FTSJ3: variants seen among roughly 807,000 people sequenced by gnomAD.
FTSJ3 encodes the protein pre-rRNA 2'-O-ribose RNA methyltransferase FTSJ3.
Under a neutral mutation model 111.5 loss-of-function variants are expected in FTSJ3, and 46 were observed. That is an observed-to-expected ratio of 0.41 (90% confidence interval 0.33 to 0.53). The LOEUF (loss-of-function observed/expected upper bound fraction) is 0.53, where lower values mean the gene tolerates loss of function less well. Ranked by LOEUF, FTSJ3 falls within the 20% of genes least tolerant of loss-of-function variation. The pLI, the probability that FTSJ3 is intolerant of heterozygous loss-of-function variation, is 0.19. For missense variants in FTSJ3, 1,075 were observed against 1,063.8 expected, an observed-to-expected ratio of 1.01 and a Z score of -0.15; for synonymous variants, 408 against 383.0, an observed-to-expected ratio of 1.07 and a Z score of -0.76.
In FTSJ3 at chr17:63,826,036, AAG is replaced by A. The variant is rs2040098234; in HGVS notation, c.300+18_300+19del. On this transcript the variant is annotated intron_variant, in intron 5 of 20. Transcript: ENST00000427159. ...GATGTTTCCGTATAAAGGGGGAAGG[AAG>A]AGAGAGACTCCTATTACCTGCCTAC... 1 of 1,573,638 alleles carries A rather than the reference AAG, an allele frequency of 6.4e-7. No homozygotes were observed. The highest frequency in any genetic ancestry group is 1.1e-5 in the South Asian group (1 of 88,934).
intron 10 of FTSJ3, 112 bp downstream of exon 10, chr17:63,824,525 A>G: frequency 7.0e-7 from 1 of 1,418,578 alleles, no homozygotes; most frequent in Middle Eastern, 1.8e-4. Flanking sequence ...CAAAAGGCTC[A>G]GGCCCCCATC....
At chr17:63,821,141 G>C in intron 16 of FTSJ3, 26 bp from the exon 17 acceptor site, 1 of 1,609,018 alleles carries the variant, frequency 6.2e-7, no homozygotes, top group Non-Finnish European at 8.5e-7. Context: ...GACTCTGAGT[G>C]ATTCCACCAC....
Position 63,827,126 on chromosome 17 carries a change from T to TC in FTSJ3, c.-102dup. On this transcript the variant is annotated 5_prime_UTR_variant, in exon 1 of 21. It introduces an in-frame stop codon into an upstream open reading frame of the 5' UTR. Coordinates refer to ENST00000427159, the MANE Select transcript of FTSJ3 (RefSeq NM_017647.4). ...CTAACTACTTCCGCTTCCGCTTGCG[T>TC]CCCCTGCGTCCCTGGCTCGAGGTTT... The TC allele has an allele frequency of 3.3e-6, 2 of 608,562 alleles. No individual in the cohort carries two copies. The highest frequency in any genetic ancestry group is 5.8e-6 in the Non-Finnish European group (2 of 343,688). 37.7% of individuals were successfully genotyped at this position (608,562 alleles called of 1,614,324 possible).
At chr17:63,825,717 G>C (rs5002719) in intron 5 of FTSJ3, 82 bp from the exon 6 acceptor site, 8 of 1,295,862 alleles carry the variant, frequency 6.2e-6, no homozygotes, top group Middle Eastern at 1.8e-4. Context: ...GTCATTTGCT[G>C]AGTGCCCATC....
Position 63,820,689 on chromosome 17 carries a change from G to A in FTSJ3, c.2072+150C>T, listed in dbSNP as rs139286341. ...AGCTACTCAGAAGGCTGACTCAAGCGATTCAAGGAGAATCAGGCTGCAGTG... is the reference window on the plus strand; with the variant it reads ...AGCTACTCAGAAGGCTGACTCAAGCAATTCAAGGAGAATCAGGCTGCAGTG... On this transcript the variant is annotated intron_variant, in intron 18 of 20. Coordinates refer to ENST00000427159, the MANE Select transcript of FTSJ3 (RefSeq NM_017647.4). 1.9e-4 allele frequency: 124 copies of A among 654,032 alleles called. 1 individual carries two copies. In the East Asian group the frequency reaches 3.1e-3, roughly 17 times the overall value. 40.5% of individuals were successfully genotyped at this position (654,032 alleles called of 1,614,324 possible).
intron 14 of FTSJ3, 65 bp from the exon 15 acceptor site, chr17:63,821,908 C>T: frequency 1.2e-6 from 2 of 1,613,462 alleles, no homozygotes; most frequent in Non-Finnish European, 1.7e-6. Context: ...TGCTGCCCTA[C>T]TCAGGCTCTG....
At position 63,821,108 on chromosome 17, in the gene FTSJ3, G is replaced by C. The variant is rs772221183; in HGVS notation, c.1894C>G (p.Pro632Ala). The C allele has an allele frequency of 1.2e-6, 2 of 1,614,096 alleles. No individual in the cohort carries two copies. The highest frequency in any genetic ancestry group is 3.3e-5 in the Admixed American group (2 of 60,026). ...TSSEEEESWE[P>A]LRGKKRSRGP... ...CGGCTTCGCTTCTTACCACGGAGGG[G>C]TTCCCAGCTGTGAAGAGGGGAGGAC... The change falls in exon 17 of 21, where the codon CCC becomes GCC. Residue 632 changes from proline (P) to alanine (A), a missense_variant. Coordinates refer to ENST00000427159, the MANE Select transcript of FTSJ3 (RefSeq NM_017647.4).
Position 63,824,848 on chromosome 17 carries a change from C to T in FTSJ3, c.793G>A (p.Asp265Asn), listed in dbSNP as rs775219402. 1 of 1,607,700 alleles carries T rather than the reference C, an allele frequency of 6.2e-7. No individual in the cohort carries two copies. Among genetic ancestry groups the T allele is most frequent in the Admixed American group, 1.7e-5 (1 of 59,782 alleles). ...TDFLRAANPV[D>N]FLSKASEIMV... ...ACTTCGCTGGCCTTGGAGAGGAAGTCAACAGGGTTGGCAGCTCGGAGGAAG... is the reference window on the plus strand; with the variant it reads ...ACTTCGCTGGCCTTGGAGAGGAAGTTAACAGGGTTGGCAGCTCGGAGGAAG... The change falls in exon 9 of 21, where the codon GAC becomes AAC. Residue 265 changes from aspartate (D) to asparagine (N), a missense_variant. Transcript: ENST00000427159.
chr17:63,827,290 A>G lies in FTSJ3; in HGVS notation c.-265T>C, dbSNP rs1598352325. 9.2e-6 allele frequency: 6 copies of G among 651,848 alleles called. No individual in the cohort carries two copies. The highest frequency in any genetic ancestry group is 1.6e-5 in the Non-Finnish European group (6 of 375,504). 40.4% of individuals were successfully genotyped at this position (651,848 alleles called of 1,614,324 possible). ...TGAGGCAACACTGAGGAGGAGTTCTACTCCTTCCTCATCCCCTTCCAAAGC... is the reference window on the plus strand; with the variant it reads ...TGAGGCAACACTGAGGAGGAGTTCTGCTCCTTCCTCATCCCCTTCCAAAGC... On this transcript the variant is annotated 5_prime_UTR_variant, in exon 1 of 21. The change abolishes the stop of an existing upstream ORF in the 5' untranslated region. Coordinates refer to ENST00000427159, the MANE Select transcript of FTSJ3 (RefSeq NM_017647.4).
At chr17:63,824,446 T>G (rs1447984791) in intron 10 of FTSJ3, 35 bp from the exon 11 acceptor site, 1 of 1,602,540 alleles carries the variant, frequency 6.2e-7, no homozygotes, top group East Asian at 2.2e-5. Flanking sequence ...TCTTGCCATC[T>G]CCCTCTTTGT....
In FTSJ3 at chr17:63,819,772, C is replaced by T. The variant is rs2040028427; in HGVS notation, c.*30G>A. Reference sequence around the variant, plus strand: ...ATGCCACACCCTTCCTCCTAGTCCCCATGCTCTCCTGGGAGCCTGGCAGCT... The same window carrying T: ...ATGCCACACCCTTCCTCCTAGTCCCTATGCTCTCCTGGGAGCCTGGCAGCT... On this transcript the variant is annotated 3_prime_UTR_variant, in exon 21 of 21. Coordinates refer to ENST00000427159, the MANE Select transcript of FTSJ3 (RefSeq NM_017647.4). 3.1e-6 allele frequency: 5 copies of T among 1,589,422 alleles called. No homozygotes were observed. The East Asian group carries it at 6.7e-5, about 21-fold the overall frequency.
At chr17:63,826,402 A>AT (rs2040104616) in intron 3 of FTSJ3, 98 bp from the exon 4 acceptor site, 2 of 1,254,540 alleles carry the variant, frequency 1.6e-6, no homozygotes, top group African/African-American at 3.0e-5. Context: ...TGGCCAAAGC[A>AT]TATCATAGGC....
Position 63,821,478 on chromosome 17 carries a change from G to C in FTSJ3, c.1762C>G (p.Gln588Glu), listed in dbSNP as rs2040050969. The C allele has an allele frequency of 1.2e-6, 2 of 1,614,178 alleles. No homozygotes were observed. Residue 588 changes from glutamine to glutamate, a missense_variant, in exon 16 of 21, where the codon CAA becomes GAA. By Grantham distance (29) the Gln-to-Glu change is conservative. Coordinates refer to ENST00000427159, the MANE Select transcript of FTSJ3 (RefSeq NM_017647.4). ...LKTEIMSPLY[Q>E]DEAPKGTEAS... ...TCTGTTCCCTTAGGGGCTTCATCTT[G>C]GTACAGGGGAGACATTATCTCAGTC...
intron 16 of FTSJ3, 100 bp from the exon 17 acceptor site, chr17:63,821,215 C>T: frequency 3.9e-6 from 6 of 1,520,128 alleles, no homozygotes; most frequent in Non-Finnish European, 5.5e-6. Flanking sequence ...GGCTGTACCC[C>T]AGACCAGTTA....
At position 63,826,720 on chromosome 17, in the gene FTSJ3, T is replaced by G. The variant is rs953558179; in HGVS notation, c.68-48A>C. ...CAAACTGCTTCACTAGTAGGATTTC[T>G]CCGGCCTCGCAACCGACCACCCCTT... On this transcript the variant is annotated intron_variant, in intron 2 of 20. Transcript: ENST00000427159. The G allele has an allele frequency of 5.1e-6, 8 of 1,574,444 alleles. No individual in the cohort carries two copies. In the Admixed American group the frequency reaches 1.0e-4, roughly 20 times the overall value.
chr17:63,820,756 C>G, intron 18 of FTSJ3, 83 bp downstream of exon 18: 8 of 956,824 alleles, frequency 8.4e-6, no homozygotes, highest in South Asian at 5.5e-5. Flanking sequence ...GGCAACAGAG[C>G]GAGACTCCAT....
chr17:63,823,916 C>T lies in FTSJ3; in HGVS notation c.1191G>A (p.Gln397=). ...CCATCTTCAGCTCCACACGCTCCCGCTGCTTTCTCTGCTCACGCAACAGCT... is the reference window on the plus strand; with the variant it reads ...CCATCTTCAGCTCCACACGCTCCCGTTGCTTTCTCTGCTCACGCAACAGCT... The part of the protein sequence containing the change: ...KKKLLREQRK[Q]RERVELKMDL... The change falls in exon 13 of 21, where the codon CAG becomes CAA. Residue 397 remains glutamine (Q), a synonymous_variant. Transcript: ENST00000427159. 1 of 1,614,244 alleles carries T rather than the reference C, an allele frequency of 6.2e-7. No individual in the cohort carries two copies. Among genetic ancestry groups the T allele is most frequent in the Non-Finnish European group, 8.5e-7 (1 of 1,180,054 alleles).
At chr17:63,821,240 G>A (rs935171866) in intron 16 of FTSJ3, 114 bp downstream of exon 16, 1 of 1,507,020 alleles carries the variant, frequency 6.6e-7, no homozygotes, top group Non-Finnish European at 9.1e-7. Context: ...AGGATCGTCA[G>A]TACAGTATTT....
At position 63,820,264 on chromosome 17, in the gene FTSJ3, CT is replaced by C; in HGVS notation, c.2246del (p.Lys749ArgfsTer6). On this transcript the variant is annotated frameshift_variant, in exon 19 of 21. Coordinates refer to ENST00000427159, the MANE Select transcript of FTSJ3 (RefSeq NM_017647.4). LOFTEE classifies it high-confidence loss of function. ...IKKVAEAKAR[K>X]KRRMLKRLEQ... The stretch of plus-strand genomic sequence containing the variant: ...AGGCCCCATCACTTACCCTCCTTTT[CT>C]TTCTAGCCTTAGCCTCAGCCACCTT... 1 of 1,438,708 alleles carries C rather than the reference CT, an allele frequency of 7.0e-7. No homozygotes were observed. The highest frequency in any genetic ancestry group is 9.3e-7 in the Non-Finnish European group (1 of 1,076,972). 89.1% of individuals were successfully genotyped at this position (1,438,708 alleles called of 1,614,324 possible).
Sources: allele counts gnomAD v4.1 joint callset, GRCh38; gene constraint gnomAD v4.1.1; transcripts MANE v1.5; gene names NCBI Gene and HGNC (gene_info 2026-07-23, HGNC 2026-07-21).